Variants in SPATA31H1 observed in about 807,000 individuals in gnomAD.
SPATA31H1 encodes the protein spermatogenesis-associated protein 31H1.
chr2:27,566,738 A>G, the SPATA31H1 span: 1 of 673,702 alleles, frequency 1.5e-6, no homozygotes, highest in Non-Finnish European at 2.8e-6. Flanking sequence ...TTCTTAGATC[A>G]AGGCTTGTGG....
chr2:27,550,076 T>C, the SPATA31H1 span, among the ~76,000 whole-genome samples: 1 of 152,046 alleles, frequency 6.6e-6, no homozygotes, highest in Admixed American at 6.5e-5. Flanking sequence ...TATCTATAGA[T>C]GTTTTGGATA....
At chr2:27,542,257 C>T in the SPATA31H1 span, among the ~76,000 whole-genome samples, 32 of 151,466 alleles carry the variant, frequency 2.1e-4, no homozygotes, top group Admixed American at 2.0e-4. Context: ...ATTAGCTGGG[C>T]GTGGTGGTGG....
chr2:27,549,127 G>A, the SPATA31H1 span, among the ~76,000 whole-genome samples: 1 of 149,520 alleles, frequency 6.7e-6, no homozygotes, highest in South Asian at 2.1e-4. Flanking sequence ...AGATTTTGCA[G>A]TTAACATTTT....
At chr2:27,562,423 A>G in the SPATA31H1 span, among the ~76,000 whole-genome samples, 708 of 151,090 alleles carry the variant, frequency 4.7e-3, 5 homozygotes, top group African/African-American at 0.016. Flanking sequence ...GAGGCTGAGA[A>G]TTACTTGAGC....
the SPATA31H1 span, among the ~76,000 whole-genome samples, chr2:27,556,134 CAAAAAAAA>C: frequency 9.4e-4 from 87 of 92,900 alleles, 1 homozygote; most frequent in African/African-American, 3.5e-3. Context: ...GACTCCATCT[CAAAAAAAA>C]AAAAAAAAAA....
chr2:27,575,253 C>G, the SPATA31H1 span: 1 of 398,536 alleles, frequency 2.5e-6, no homozygotes, highest in Admixed American at 4.4e-5. This position sits in a 1 kb window ranked among gnomAD's most constrained non-coding sequence, Gnocchi z 4.1. Context: ...TAGTGTGGCA[C>G]CTTCTGAGTT....
the SPATA31H1 span, among the ~76,000 whole-genome samples, chr2:27,543,210 CA>C: frequency 6.6e-6 from 1 of 152,042 alleles, no homozygotes; most frequent in East Asian, 1.9e-4. Flanking sequence ...GCAGCATTTC[CA>C]AACCTTTTTT....
At chr2:27,577,547 A>G in the SPATA31H1 span, 3 of 1,614,142 alleles carry the variant, frequency 1.9e-6, no homozygotes, top group Non-Finnish European at 2.5e-6. The surrounding 1 kb of genome is among the most constrained non-coding windows in gnomAD (Gnocchi z 4.5). Context: ...TCTCTGAGAA[A>G]AGACTGCAAG....
the SPATA31H1 span, among the ~76,000 whole-genome samples, chr2:27,548,607 CAAA>C: frequency 8.3e-6 from 1 of 120,264 alleles, no homozygotes. Flanking sequence ...GGCCCTGTTT[CAAA>C]AAAAAAAAAA....
At chr2:27,541,288 G>C in the SPATA31H1 span, among the ~76,000 whole-genome samples, 3 of 151,616 alleles carry the variant, frequency 2.0e-5, no homozygotes, top group African/African-American at 4.9e-5. Context: ...GCAGGCACTC[G>C]GCAGGCTGAT....
chr2:27,560,296 G>C, the SPATA31H1 span, among the ~76,000 whole-genome samples: 3 of 148,950 alleles, frequency 2.0e-5, no homozygotes, highest in Non-Finnish European at 4.4e-5. Flanking sequence ...TCTGAAATTG[G>C]AGTATGTCTT....
the SPATA31H1 span, among the ~76,000 whole-genome samples, chr2:27,552,275 G>A: frequency 8.6e-5 from 13 of 151,964 alleles, no homozygotes; most frequent in African/African-American, 2.9e-4. Context: ...ATTAGATGGT[G>A]TGAATTAAGA....
chr2:27,552,408 T>C, the SPATA31H1 span, among the ~76,000 whole-genome samples: 2 of 152,008 alleles, frequency 1.3e-5, no homozygotes, highest in African/African-American at 2.4e-5. Flanking sequence ...TTTGTAGATG[T>C]ATGGATTTAT....
chr2:27,576,262 A>C, the SPATA31H1 span: 47 of 429,834 alleles, frequency 1.1e-4, no homozygotes, highest in East Asian at 1.5e-3. Flanking sequence ...TCTGTGCAAC[A>C]TTTACAAGAT....
At chr2:27,567,357 A>T in the SPATA31H1 span, 1 of 517,732 alleles carries the variant, frequency 1.9e-6, no homozygotes, top group Non-Finnish European at 3.4e-6. Flanking sequence ...ATCATGGGCA[A>T]TGCTGAATTA....
At chr2:27,571,921 C>T in the SPATA31H1 span, 1 of 398,414 alleles carries the variant, frequency 2.5e-6, no homozygotes, top group East Asian at 3.6e-5. Context: ...CAAGGGATGG[C>T]ACCTGTGGAT....
At chr2:27,580,703 C>A in the SPATA31H1 span, 1 of 1,614,180 alleles carries the variant, frequency 6.2e-7, no homozygotes, top group Admixed American at 1.7e-5. Flanking sequence ...AGCCTGTGGA[C>A]GGGACAAGGC....
chr2:27,541,375 G>A, the SPATA31H1 span, among the ~76,000 whole-genome samples: 1 of 151,162 alleles, frequency 6.6e-6, no homozygotes, highest in Non-Finnish European at 1.5e-5. Flanking sequence ...GGCATCAGAG[G>A]GAGACCGTGG....
At chr2:27,546,419 C>A in the SPATA31H1 span, among the ~76,000 whole-genome samples, 2 of 151,928 alleles carry the variant, frequency 1.3e-5, no homozygotes, top group Non-Finnish European at 2.9e-5. Flanking sequence ...ATATAGATAT[C>A]TAATTCTTCC....
Sources: allele counts gnomAD v4.1 joint callset (sites outside exome capture counted in the v4.1 genomes callset), GRCh38; gene constraint gnomAD v4.1.1; non-coding constraint Gnocchi (gnomAD v3.1); transcripts MANE v1.5; gene names NCBI Gene and HGNC (gene_info 2026-07-23, HGNC 2026-07-21).